The following MACROD2 variants were observed in gnomAD, a reference collection of about 807,000 sequenced individuals.
The protein encoded by MACROD2 is ADP-ribose glycohydrolase MACROD2.
MACROD2 carries 36 observed loss-of-function variants against 70.4 expected under a neutral mutation model. The ratio of observed to expected loss-of-function variants is 0.51; its 90% CI spans 0.39 to 0.68. MACROD2 has a LOEUF of 0.68. MACROD2 is among the 30% of genes least tolerant of loss of function. MACROD2 has a pLI of 0.00. For synonymous variants in MACROD2, 172 were observed against 178.8 expected (o/e 0.96, Z 0.30); for missense variants, 496 against 538.4 (o/e 0.92, Z 0.78).
intron 4 of MACROD2, among the ~76,000 whole-genome samples, chr20:14,523,939 T>A (rs1271166483): frequency 6.6e-6 from 1 of 152,204 alleles, no homozygotes; most frequent in Non-Finnish European, 1.5e-5. Flanking sequence ...CCAGTCTAGT[T>A]ATGAGAGGTG....
chr20:15,064,079 G>A (rs953406805), intron 5 of MACROD2, among the ~76,000 whole-genome samples: 2 of 152,276 alleles, frequency 1.3e-5, no homozygotes, highest in Admixed American at 6.5e-5. Flanking sequence ...ACAGTCTCTC[G>A]CACCAGTGAT....
At chr20:15,774,740 GA>G (rs1288607114) in intron 8 of MACROD2, among the ~76,000 whole-genome samples, 2 of 151,510 alleles carry the variant, frequency 1.3e-5, no homozygotes, top group Admixed American at 6.6e-5. Flanking sequence ...GAGTTTCAGA[GA>G]AAAAAAGGAA....
At chr20:16,029,679 C>T (rs1006842142) in intron 15 of MACROD2, among the ~76,000 whole-genome samples, 1 of 152,162 alleles carries the variant, frequency 6.6e-6, no homozygotes, top group Admixed American at 6.5e-5. Context: ...ATTTACCTCC[C>T]TAACTAGGAG....
chr20:14,665,300 G>C (rs867361317), intron 4 of MACROD2, among the ~76,000 whole-genome samples: 5 of 152,038 alleles, frequency 3.3e-5, no homozygotes, highest in Middle Eastern at 3.4e-3. Flanking sequence ...TCAAGAGTTA[G>C]GGGGGTATTG....
chr20:14,712,917 A>C (rs2071354690), intron 5 of MACROD2, among the ~76,000 whole-genome samples: 1 of 152,188 alleles, frequency 6.6e-6, no homozygotes, highest in Non-Finnish European at 1.5e-5. Context: ...TATTGAAAAG[A>C]CTGTCAATAG....
At chr20:14,961,079 A>G (rs1355577926) in intron 5 of MACROD2, among the ~76,000 whole-genome samples, 6 of 152,174 alleles carry the variant, frequency 3.9e-5, no homozygotes, top group African/African-American at 1.2e-4. Flanking sequence ...GGGTTTTGCT[A>G]TGATGTAGCT....
intron 5 of MACROD2, among the ~76,000 whole-genome samples, chr20:14,873,880 A>G (rs1372414121): frequency 4.6e-5 from 7 of 152,116 alleles, no homozygotes; most frequent in Non-Finnish European, 7.3e-5. Flanking sequence ...AGTAAATAAA[A>G]ATAAAATAAT....
chr20:15,440,532 G>A (rs941692122), intron 7 of MACROD2, among the ~76,000 whole-genome samples: 1 of 152,120 alleles, frequency 6.6e-6, no homozygotes, highest in African/African-American at 2.4e-5. Context: ...TGTTAACCTT[G>A]TATCTACTTG....
chr20:15,824,069 G>A (rs1488366383), intron 8 of MACROD2, among the ~76,000 whole-genome samples: 2 of 152,166 alleles, frequency 1.3e-5, no homozygotes, highest in African/African-American at 4.8e-5. Context: ...TGAGCAATTG[G>A]TGGCTATGGT....
At chr20:15,658,819 C>A (rs1488346939) in intron 8 of MACROD2, among the ~76,000 whole-genome samples, 4 of 152,132 alleles carry the variant, frequency 2.6e-5, no homozygotes. Flanking sequence ...TAAAGAGACC[C>A]CAGTGATATG....
chr20:15,516,932 A>C (rs540721456), intron 8 of MACROD2, among the ~76,000 whole-genome samples: 1 of 152,178 alleles, frequency 6.6e-6, no homozygotes, highest in Non-Finnish European at 1.5e-5. Context: ...ACTTATGCTC[A>C]TCTTGACTTT....
At chr20:15,840,896 G>A (rs1387702174) in intron 8 of MACROD2, among the ~76,000 whole-genome samples, 8 of 152,130 alleles carry the variant, frequency 5.3e-5, no homozygotes, top group African/African-American at 1.4e-4. Context: ...GTCTGAGAGG[G>A]ATTGTTTTTG....
rs760314145 is a variant in MACROD2 at position 14,502,150 on chromosome 20, A to AT, written c.301+8643dup. Among the ~76,000 whole-genome samples, 3 of 152,360 alleles carry AT rather than the reference A, an allele frequency of 2.0e-5. No homozygotes were observed. The East Asian group carries it at 5.8e-4, about 29-fold the overall frequency. ...CAGGTCAAGCCTGTTATGTTTTGGG[A>AT]TGACTACATTATATTCCTTCAGTTT... On this transcript the variant is annotated intron_variant, in intron 4 of 17. Transcript: ENST00000684519.
intron 6 of MACROD2, among the ~76,000 whole-genome samples, chr20:15,337,002 C>A (rs1265249112): frequency 6.6e-6 from 1 of 151,680 alleles, no homozygotes; most frequent in Non-Finnish European, 1.5e-5. Context: ...TTGTCTTTGA[C>A]ATAGTCTTCT....
intron 8 of MACROD2, among the ~76,000 whole-genome samples, chr20:15,571,037 C>T (rs540302467): frequency 8.1e-4 from 123 of 152,228 alleles, no homozygotes; most frequent in Non-Finnish European, 1.4e-3. Context: ...TTCTTGTACC[C>T]GCTGGCTTGG....
intron 4 of MACROD2, among the ~76,000 whole-genome samples, chr20:14,543,879 C>T (rs1289007265): frequency 6.6e-6 from 1 of 152,180 alleles, no homozygotes; most frequent in Non-Finnish European, 1.5e-5. Flanking sequence ...GTCTCCTTTG[C>T]ATCCAGATGA....
At chr20:14,862,109 A>G (rs1430956602) in intron 5 of MACROD2, among the ~76,000 whole-genome samples, 1 of 5,796 alleles carries the variant, frequency 1.7e-4, no homozygotes, top group African/African-American at 2.4e-3. Flanking sequence ...ATTTATACAT[A>G]AATATATAAA....
At chr20:14,504,894 T>A (rs996573453) in intron 4 of MACROD2, among the ~76,000 whole-genome samples, 1 of 152,346 alleles carries the variant, frequency 6.6e-6, no homozygotes, top group South Asian at 2.1e-4. Flanking sequence ...GGTGTACAAC[T>A]TTTTATTTGT....
chr20:14,690,173 C>G (rs1416281865), intron 5 of MACROD2, among the ~76,000 whole-genome samples: 1 of 152,094 alleles, frequency 6.6e-6, no homozygotes, highest in Non-Finnish European at 1.5e-5. Flanking sequence ...GAATGCTTCT[C>G]TCTTAGGCTT....
Sources: gnomAD v4.1 joint callset for allele counts (sites outside exome capture counted in the v4.1 genomes callset) on GRCh38, gnomAD v4.1.1 for gene constraint, MANE v1.5 for transcripts, NCBI Gene and HGNC (gene_info 2026-07-23, HGNC 2026-07-21) for gene names.